PHF14: variants seen among roughly 807,000 people sequenced by gnomAD.
PHF14 encodes PHD finger protein 14.
PHF14 carries 55 observed loss-of-function variants against 117.9 expected under a neutral mutation model. The ratio of observed to expected loss-of-function variants is 0.47; its 90% CI spans 0.38 to 0.58. The LOEUF (loss-of-function observed/expected upper bound fraction) is 0.58. Ranked by LOEUF, PHF14 falls within the 20% of genes least tolerant of loss-of-function variation. The pLI, the probability that PHF14 is intolerant of heterozygous loss-of-function variation, is 0.00. For synonymous variants in PHF14, 409 were observed against 368.6 expected, an observed-to-expected ratio of 1.11 and a Z score of -1.26; for missense variants, 978 against 1,122.2, an observed-to-expected ratio of 0.87 and a Z score of 1.84.
intron 7 of PHF14, among the ~76,000 whole-genome samples, chr7:11,032,327 A>G (rs1784147402): frequency 6.6e-6 from 1 of 152,156 alleles, no homozygotes; most frequent in African/African-American, 2.4e-5. Context: ...GGTTTCAGTA[A>G]ACACATCAAT....
chr7:11,016,242 C>A (rs938318514), intron 5 of PHF14, among the ~76,000 whole-genome samples: 1 of 151,938 alleles, frequency 6.6e-6, no homozygotes. Flanking sequence ...TATAGGCCTT[C>A]ACAATATTTC....
At chr7:11,132,750 C>G (rs1256714675) in intron 17 of PHF14, among the ~76,000 whole-genome samples, 2 of 151,700 alleles carry the variant, frequency 1.3e-5, no homozygotes, top group African/African-American at 4.8e-5. Context: ...TTTCTCCACC[C>G]CCTCACCAAC....
At chr7:11,020,167 T>TA (rs1481360715) in intron 5 of PHF14, among the ~76,000 whole-genome samples, 1 of 152,106 alleles carries the variant, frequency 6.6e-6, no homozygotes, top group Non-Finnish European at 1.5e-5. Flanking sequence ...TGGCTCACTG[T>TA]AACCTCTGCC....
intron 17 of PHF14, among the ~76,000 whole-genome samples, chr7:11,138,824 T>G (rs1000952577): frequency 1.3e-5 from 2 of 152,198 alleles, no homozygotes; most frequent in African/African-American, 4.8e-5. Context: ...TCAATTTCAG[T>G]GTCATTTGCT....
intron 16 of PHF14, chr7:11,063,334 G>C: frequency 1.0e-6 from 1 of 984,186 alleles, no homozygotes; most frequent in Non-Finnish European, 1.2e-6. Context: ...GAATAATTCT[G>C]ACCACAGTAT....
chr7:10,996,372 A>T (rs1039706523), intron 4 of PHF14, among the ~76,000 whole-genome samples: 3 of 152,220 alleles, frequency 2.0e-5, no homozygotes, highest in African/African-American at 7.2e-5. Flanking sequence ...TTATGCAAAG[A>T]TGTAAGACTA....
At chr7:11,105,917 A>G in intron 16 of PHF14, 1 of 984,228 alleles carries the variant, frequency 1.0e-6, no homozygotes, top group Non-Finnish European at 1.2e-6. Flanking sequence ...GAGCATAATT[A>G]GTTAATTATG....
chr7:11,127,047 C>T (rs890832328), intron 17 of PHF14, among the ~76,000 whole-genome samples: 8 of 151,992 alleles, frequency 5.3e-5, no homozygotes, highest in Non-Finnish European at 1.0e-4. Context: ...TTGGAGCTTC[C>T]TTTTTCCCCC....
chr7:11,065,293 C>G (rs554500416), intron 16 of PHF14, among the ~76,000 whole-genome samples: 74 of 152,108 alleles, frequency 4.9e-4, no homozygotes, highest in African/African-American at 1.5e-3. Flanking sequence ...GAAACTATTT[C>G]ATGGAATTGG....
chr7:11,132,898 C>A (rs941949294), intron 17 of PHF14, among the ~76,000 whole-genome samples: 1 of 151,698 alleles, frequency 6.6e-6, no homozygotes, highest in African/African-American at 2.4e-5. Flanking sequence ...TGATGTTTAC[C>A]TGTTCTTTGG....
chr7:11,076,161 T>G (rs1490858084), intron 16 of PHF14, among the ~76,000 whole-genome samples: 3 of 152,130 alleles, frequency 2.0e-5, no homozygotes, highest in African/African-American at 7.2e-5. Flanking sequence ...GGAACTGAGA[T>G]TCAGAGTTAG....
intron 17 of PHF14, among the ~76,000 whole-genome samples, chr7:11,136,828 G>A (rs2128349902): frequency 6.6e-6 from 1 of 152,198 alleles, no homozygotes; most frequent in Non-Finnish European, 1.5e-5. Context: ...AACATTTGTG[G>A]TCTAATTATG....
chr7:11,062,287 G>A (rs1785252799), intron 16 of PHF14: 1 of 373,362 alleles, frequency 2.7e-6, no homozygotes, highest in Non-Finnish European at 4.7e-6. Context: ...GTAAATAAGA[G>A]TGATAATCTG....
chr7:11,136,617 A>T (rs553145822), intron 17 of PHF14, among the ~76,000 whole-genome samples: 90 of 152,322 alleles, frequency 5.9e-4, no homozygotes, highest in Non-Finnish European at 1.0e-3. Flanking sequence ...CATCCTAGAA[A>T]GTATCAAAAT....
At position 11,130,254 on chromosome 7, in the gene PHF14, A is replaced by G. The variant is rs1413745399; in HGVS notation, c.2772+18787A>G. The stretch of plus-strand genomic sequence containing the variant: ...CCAGGCCACATTCCTCAGATGACGC[A>G]GTCAAACCTAACTTTAAGAAGCCAG... On this transcript the variant is annotated intron_variant, in intron 17 of 17. Coordinates refer to ENST00000634607, the MANE Select transcript of PHF14 (RefSeq NM_001007157.2). The surrounding 1 kb of genome is among the most constrained non-coding windows in gnomAD (Gnocchi z 4.2). Among the ~76,000 whole-genome samples the G allele has an allele frequency of 6.6e-6, 1 of 152,024 alleles. No homozygotes were observed. Among genetic ancestry groups the G allele is most frequent in the Non-Finnish European group, 1.5e-5 (1 of 67,956 alleles).
At chr7:11,015,892 A>G (rs964777529) in intron 5 of PHF14, among the ~76,000 whole-genome samples, 4 of 151,608 alleles carry the variant, frequency 2.6e-5, no homozygotes, top group African/African-American at 9.7e-5. Context: ...ATTGTGGTGA[A>G]TAAGTAAGGC....
chr7:11,125,442 ACTTG>A (rs1229352518), intron 17 of PHF14, among the ~76,000 whole-genome samples: 1 of 152,114 alleles, frequency 6.6e-6, no homozygotes, highest in South Asian at 2.1e-4. Context: ...TCAAAAGAAT[ACTTG>A]CTTCTAAGTG....
At chr7:11,067,426 A>G (rs1785460416) in intron 16 of PHF14, among the ~76,000 whole-genome samples, 2 of 152,200 alleles carry the variant, frequency 1.3e-5, no homozygotes, top group South Asian at 4.1e-4. Flanking sequence ...TCAAAAAATT[A>G]AAGACAGAAT....
Position 11,040,760 on chromosome 7 carries a change from C to T in PHF14, c.2165C>T (p.Pro722Leu). The T allele has an allele frequency of 6.5e-7, 1 of 1,535,018 alleles. No homozygotes were observed. The highest frequency in any genetic ancestry group is 8.8e-7 in the Non-Finnish European group (1 of 1,131,794). Residue 722 changes from proline to leucine, a missense_variant, in exon 12 of 18, where the codon CCT becomes CTT. Physicochemically the swap from Pro to Leu is moderately conservative, Grantham distance 98. This residue lies in a region of PHF14 where 237 missense variants were observed against 276.4 expected (regional missense o/e 0.86). Transcript: ENST00000634607. ...GGCACACAAAAGACATCTACTCTTC[C>T]TGCAGTACTTTATAGGCAAGTAATG... is the stretch of plus-strand genomic sequence containing the variant. ...EGGTQKTSTL[P>L]AVLYSCGICK...
Sources: allele counts gnomAD v4.1 joint callset (sites outside exome capture counted in the v4.1 genomes callset), GRCh38; gene constraint gnomAD v4.1.1; regional missense constraint gnomAD v4.1.1; non-coding constraint Gnocchi (gnomAD v3.1); transcripts MANE v1.5; gene names NCBI Gene and HGNC (gene_info 2026-07-23, HGNC 2026-07-21).